Variants in CNTNAP2 observed in about 807,000 individuals in gnomAD.
CNTNAP2 encodes the protein contactin associated protein 2, also known as contactin-associated protein-like 2.
A neutral mutation model predicts 155.2 loss-of-function variants in CNTNAP2; 98 were observed. The observed-to-expected ratio is 0.63, with a 90% CI of 0.54 to 0.75. The LOEUF (loss-of-function observed/expected upper bound fraction) is 0.75. CNTNAP2 is among the 30% of genes least tolerant of loss of function. CNTNAP2 has a pLI of 0.00. For missense variants in CNTNAP2, 1,727 were observed against 1,688.1 expected (o/e 1.02, Z -0.40); for synonymous variants, 651 against 631.2 (o/e 1.03, Z -0.47).
chr7:146,278,632 C>T (rs1800201659), intron 1 of CNTNAP2, among the ~76,000 whole-genome samples: 1 of 152,170 alleles, frequency 6.6e-6, no homozygotes, highest in South Asian at 2.1e-4. Context: ...CACAGCTTCA[C>T]TCAAACATAA....
chr7:147,414,286 C>G (rs907046034), intron 10 of CNTNAP2, among the ~76,000 whole-genome samples: 1 of 151,826 alleles, frequency 6.6e-6, no homozygotes, highest in Non-Finnish European at 1.5e-5. Context: ...TAGCTGGGCT[C>G]TGTGGCAGGT....
At chr7:146,700,653 CT>C (rs1482458760) in intron 1 of CNTNAP2, among the ~76,000 whole-genome samples, 6 of 151,986 alleles carry the variant, frequency 3.9e-5, no homozygotes, top group Non-Finnish European at 8.8e-5. Context: ...ATATTTGCAT[CT>C]TTGTATTATT....
intron 13 of CNTNAP2, among the ~76,000 whole-genome samples, chr7:147,658,515 A>G (rs1053107935): frequency 6.6e-6 from 1 of 152,218 alleles, no homozygotes; most frequent in Non-Finnish European, 1.5e-5. Flanking sequence ...ATTGTAAACT[A>G]GGATGCCAGT....
chr7:147,003,019 T>G (rs535361174), intron 3 of CNTNAP2, among the ~76,000 whole-genome samples: 19 of 145,018 alleles, frequency 1.3e-4, no homozygotes, highest in African/African-American at 4.6e-4. Flanking sequence ...ACCAAAGGAC[T>G]AACAGAAAAG....
Position 146,779,891 on chromosome 7 carries a change from G to A in CNTNAP2, c.208+5510G>A, listed in dbSNP as rs149561979. Among the ~76,000 whole-genome samples the A allele has an allele frequency of 4.1e-3, 629 of 152,262 alleles. 3 individuals are homozygous for A. Among genetic ancestry groups the A allele is most frequent in the African/African-American group, 0.014 (589 of 41,548 alleles). On this transcript the variant is annotated intron_variant, in intron 2 of 23. Coordinates refer to ENST00000361727, the MANE Select transcript of CNTNAP2 (RefSeq NM_014141.6). ...ATAATCACTTATCAAAGGAGTATGT[G>A]AATAACAGATGTTTGGAGAGACTGC...
chr7:146,483,090 C>G (rs1796989274), intron 1 of CNTNAP2, among the ~76,000 whole-genome samples: 1 of 150,802 alleles, frequency 6.6e-6, no homozygotes, highest in South Asian at 2.1e-4. Context: ...TCCTGGCTAA[C>G]ACGGTGAAAC....
At chr7:146,762,953 A>G (rs1434009924) in intron 1 of CNTNAP2, among the ~76,000 whole-genome samples, 1 of 152,140 alleles carries the variant, frequency 6.6e-6, no homozygotes, top group African/African-American at 2.4e-5. Context: ...GGGAGCTACA[A>G]TTCAGATGCG....
intron 1 of CNTNAP2, among the ~76,000 whole-genome samples, chr7:146,453,635 C>T (rs1796513713): frequency 6.6e-6 from 1 of 152,082 alleles, no homozygotes; most frequent in Non-Finnish European, 1.5e-5. Context: ...TACTGATGAT[C>T]AAAGTAGTAA....
chr7:147,437,502 T>A (rs548811271), intron 10 of CNTNAP2, among the ~76,000 whole-genome samples: 1 of 152,138 alleles, frequency 6.6e-6, no homozygotes, highest in African/African-American at 2.4e-5. Context: ...TGTCCAACAT[T>A]TCATAGTAGG....
At chr7:146,718,293 A>T (rs1194619946) in intron 1 of CNTNAP2, among the ~76,000 whole-genome samples, 1 of 152,192 alleles carries the variant, frequency 6.6e-6, no homozygotes, top group African/African-American at 2.4e-5. Context: ...TTGAATTTCT[A>T]CTTTTCTTCT....
intron 15 of CNTNAP2, among the ~76,000 whole-genome samples, chr7:148,027,071 C>T (rs1802389211): frequency 6.6e-6 from 1 of 152,106 alleles, no homozygotes; most frequent in African/African-American, 2.4e-5. Context: ...ATCATGCTAG[C>T]CCTAATTTTT....
At chr7:147,172,999 C>A (rs991743680) in intron 8 of CNTNAP2, among the ~76,000 whole-genome samples, 3 of 152,092 alleles carry the variant, frequency 2.0e-5, no homozygotes, top group African/African-American at 7.2e-5. Flanking sequence ...TGATTGTCAG[C>A]ATTAACACAC....
intron 13 of CNTNAP2, among the ~76,000 whole-genome samples, chr7:147,768,759 T>C (rs1403598493): frequency 6.6e-6 from 1 of 152,132 alleles, no homozygotes; most frequent in Non-Finnish European, 1.5e-5. Flanking sequence ...TGATTACTAC[T>C]ATAAACCAGA....
chr7:147,058,079 T>C (rs1363322036), intron 4 of CNTNAP2, among the ~76,000 whole-genome samples: 1 of 152,192 alleles, frequency 6.6e-6, no homozygotes, highest in African/African-American at 2.4e-5. Flanking sequence ...TCTAAGTGGT[T>C]TTATTTTTAT....
At chr7:146,762,578 G>A (rs973668171) in intron 1 of CNTNAP2, among the ~76,000 whole-genome samples, 1 of 152,090 alleles carries the variant, frequency 6.6e-6, no homozygotes, top group Non-Finnish European at 1.5e-5. Flanking sequence ...CAGCCTGAGT[G>A]ACAGAACAAG....
intron 21 of CNTNAP2, among the ~76,000 whole-genome samples, chr7:148,282,996 A>G (rs1796999789): frequency 6.6e-6 from 1 of 152,070 alleles, no homozygotes; most frequent in African/African-American, 2.4e-5. Flanking sequence ...GCACTTTGGG[A>G]GGCCAAGGCA....
intron 1 of CNTNAP2, among the ~76,000 whole-genome samples, chr7:146,732,767 T>A (rs1216423951): frequency 2.0e-5 from 3 of 152,130 alleles, no homozygotes; most frequent in Non-Finnish European, 4.4e-5. Context: ...CATAGTATTT[T>A]CTATAACCTG....
chr7:146,485,886 T>G (rs1797047788), intron 1 of CNTNAP2, among the ~76,000 whole-genome samples: 1 of 152,086 alleles, frequency 6.6e-6, no homozygotes, highest in Non-Finnish European at 1.5e-5. Context: ...AAAATTGATA[T>G]AGAATCTGTC....
chr7:147,909,516 T>C (rs964558995), intron 14 of CNTNAP2, among the ~76,000 whole-genome samples: 3 of 152,184 alleles, frequency 2.0e-5, no homozygotes, highest in Admixed American at 6.6e-5. Context: ...TTTCAATAAT[T>C]GCCTGATTAT....
Sources: gnomAD v4.1 joint callset for allele counts (sites outside exome capture counted in the v4.1 genomes callset) on GRCh38, gnomAD v4.1.1 for gene constraint, MANE v1.5 for transcripts, NCBI Gene and HGNC (gene_info 2026-07-23, HGNC 2026-07-21) for gene names.